Variants in AP2A2 observed in about 807,000 individuals in gnomAD.
The protein encoded by AP2A2 is AP-2 complex subunit alpha-2.
A neutral mutation model predicts 104.2 loss-of-function variants in AP2A2; 32 were observed. That is an observed-to-expected ratio of 0.31 (90% confidence interval 0.23 to 0.41). The LOEUF (loss-of-function observed/expected upper bound fraction) is 0.41, where lower values mean the gene tolerates loss of function less well. Ranked by LOEUF, AP2A2 falls within the 10% of genes least tolerant of loss-of-function variation. AP2A2 has a pLI of 1.00. For synonymous variants in AP2A2, 539 were observed against 533.3 expected (o/e 1.01, Z -0.15); for missense variants, 912 against 1,261.0 (o/e 0.72, Z 4.19).
At chr11:963,119 C>T (rs900382013) in intron 2 of AP2A2, among the ~76,000 whole-genome samples, 1 of 151,680 alleles carries the variant, frequency 6.6e-6, no homozygotes, top group Non-Finnish European at 1.5e-5. Flanking sequence ...TCTAAAATTT[C>T]GTTGTAATCA....
Position 977,172 on chromosome 11 carries a change from C to G in AP2A2, c.551C>G (p.Pro184Arg). The change falls in exon 5 of 22, where the codon CCC becomes CGC. Residue 184 changes from proline (P) to arginine (R), a missense_variant. By Grantham distance (103) the Pro-to-Arg change is moderately radical. Transcript: ENST00000448903. Reference protein sequence around the residue: ...RLYRTSPDLVPMGDWTSRVVH... With the variant: ...RLYRTSPDLVRMGDWTSRVVH... Reference sequence around the variant, plus strand: ...TACAGGACGTCCCCCGATCTTGTCCCCATGGGCGACTGGACATCCCGAGTG... The same window carrying G: ...TACAGGACGTCCCCCGATCTTGTCCGCATGGGCGACTGGACATCCCGAGTG... The G allele has an allele frequency of 1.9e-6, 3 of 1,612,716 alleles. No individual in the cohort carries two copies. The highest frequency in any genetic ancestry group is 2.5e-6 in the Non-Finnish European group (3 of 1,179,078).
intron 16 of AP2A2, among the ~76,000 whole-genome samples, chr11:1,006,304 G>A (rs544425109): frequency 2.0e-5 from 3 of 152,344 alleles, no homozygotes; most frequent in South Asian, 4.1e-4. Context: ...GCTGGAGGGC[G>A]GAAGTTACCT....
At chr11:933,794 A>C (rs1176251564) in intron 1 of AP2A2, among the ~76,000 whole-genome samples, 1 of 152,080 alleles carries the variant, frequency 6.6e-6, no homozygotes, top group Non-Finnish European at 1.5e-5. Flanking sequence ...TTCAGACATG[A>C]CTTTCTGCCA....
At chr11:946,364 C>G (rs1428623865) in intron 1 of AP2A2, 1 of 152,242 alleles carries the variant, frequency 6.6e-6, no homozygotes, top group Non-Finnish European at 1.5e-5. Context: ...ACTCTCGGAC[C>G]TGTCCCACTT....
chr11:978,708 G>A (rs1855136761), intron 5 of AP2A2, among the ~76,000 whole-genome samples: 1 of 152,184 alleles, frequency 6.6e-6, no homozygotes, highest in Non-Finnish European at 1.5e-5. Flanking sequence ...GACAGCGAAG[G>A]CCTGAGGCTT....
intron 1 of AP2A2, among the ~76,000 whole-genome samples, chr11:933,823 T>A (rs1853365978): frequency 6.6e-6 from 1 of 152,198 alleles, no homozygotes; most frequent in South Asian, 2.1e-4. Flanking sequence ...CGCTTTTTCC[T>A]GAAACATTGT....
chr11:994,348 A>G, intron 14 of AP2A2, 103 bp downstream of exon 14: 1 of 1,439,968 alleles, frequency 6.9e-7, no homozygotes, highest in South Asian at 1.3e-5. Flanking sequence ...TGTACTGAGA[A>G]CCCAGGCTCT....
intron 5 of AP2A2, among the ~76,000 whole-genome samples, chr11:977,853 G>T (rs1425258852): frequency 2.0e-5 from 3 of 152,102 alleles, no homozygotes; most frequent in African/African-American, 2.4e-5. Flanking sequence ...TTCCTGCTGC[G>T]TGGAGAGGCA....
At chr11:965,603 C>T (rs1854587697) in intron 2 of AP2A2, among the ~76,000 whole-genome samples, 1 of 152,138 alleles carries the variant, frequency 6.6e-6, no homozygotes, top group African/African-American at 2.4e-5. Context: ...TAAGGATGTG[C>T]TTTGGGTGGT....
At chr11:940,790 CT>C (rs1230989906) in intron 1 of AP2A2, 1 of 456,068 alleles carries the variant, frequency 2.2e-6, no homozygotes, top group African/African-American at 2.0e-5. Context: ...GCCTGCCAAC[CT>C]GAAGGGCTTT....
chr11:970,095 C>A, intron 2 of AP2A2, 74 bp from the exon 3 acceptor site: 1 of 1,535,524 alleles, frequency 6.5e-7, no homozygotes, highest in Non-Finnish European at 8.9e-7. Context: ...TGTACTGCTG[C>A]ACTGCCCTCT....
At chr11:973,783 CCAGGGTTGTT>C (rs1404745270) in intron 4 of AP2A2, among the ~76,000 whole-genome samples, 1 of 152,186 alleles carries the variant, frequency 6.6e-6, no homozygotes, top group Non-Finnish European at 1.5e-5. Context: ...CCTCCTGCCC[CCAGGGTTGTT>C]GCTTGCCTGT....
At chr11:962,191 G>A (rs888123179) in intron 2 of AP2A2, among the ~76,000 whole-genome samples, 2 of 152,248 alleles carry the variant, frequency 1.3e-5, no homozygotes, top group Non-Finnish European at 1.5e-5. Context: ...TACTCTTGGT[G>A]TCACTGGGCC....
intron 2 of AP2A2, among the ~76,000 whole-genome samples, chr11:960,938 C>T (rs943659860): frequency 5.3e-5 from 8 of 152,262 alleles, no homozygotes; most frequent in African/African-American, 1.7e-4. Flanking sequence ...GAATTACAGG[C>T]GTGAGCCTCT....
In AP2A2 at chr11:968,650, C is replaced by T. The variant is rs751807716; in HGVS notation, c.137-1519C>T. On this transcript the variant is annotated intron_variant, in intron 2 of 21. Coordinates refer to ENST00000448903, the MANE Select transcript of AP2A2 (RefSeq NM_012305.4). The surrounding 1 kb of genome is among the most constrained non-coding windows in gnomAD (Gnocchi z 4.2). ...TGGAATCTGGGCTGGGTAGGAGACA[C>T]GGTGCTGGGGCTTCCCAGTGGAGGA... Among the ~76,000 whole-genome samples, 19 of 152,240 alleles carry T rather than the reference C, an allele frequency of 1.2e-4. 1 individual carries two copies. The highest frequency in any genetic ancestry group is 8.3e-4 in the South Asian group (4 of 4,810).
intron 4 of AP2A2, among the ~76,000 whole-genome samples, chr11:975,835 G>A (rs1265430581): frequency 2.6e-5 from 4 of 152,140 alleles, no homozygotes; most frequent in East Asian, 1.9e-4. Context: ...TGGGGTCCTC[G>A]GTCTCCCTCG....
At position 993,818 on chromosome 11, in the gene AP2A2, C is replaced by G; in HGVS notation, c.1615C>G (p.Leu539Val). ...FHLCSVPTRA[L>V]LLSTYIKFVN... ...CCTGTGCAGCGTCCCCACCCGCGCG[C>G]TGCTCCTGTCCACCTACATCAAGTT... Residue 539 changes from leucine to valine, a missense_variant, in exon 13 of 22, where the codon CTG becomes GTG. Coordinates refer to ENST00000448903, the MANE Select transcript of AP2A2 (RefSeq NM_012305.4). The surrounding 1 kb of genome is among the most constrained non-coding windows in gnomAD (Gnocchi z 8.2). 6.2e-7 allele frequency: 1 copy of G among 1,608,444 alleles called. No homozygotes were observed. Among genetic ancestry groups the G allele is most frequent in the Non-Finnish European group, 8.5e-7 (1 of 1,179,600 alleles).
At chr11:959,342 C>G (rs780488437) in intron 1 of AP2A2, 95 bp from the exon 2 acceptor site, 72 of 846,154 alleles carry the variant, frequency 8.5e-5, no homozygotes, top group Non-Finnish European at 1.3e-4. Flanking sequence ...GGGGCCTCAT[C>G]CCATTCGTGA....
Position 1,011,798 on chromosome 11 carries a change from T to TG in AP2A2, c.*1174dup. Reference sequence around the variant, plus strand: ...CACCCTGGCCCTCAGTTGCCTGCTGTGCGGGTCCCTGGGGCAGCTGCAGGG... The same window carrying TG: ...CACCCTGGCCCTCAGTTGCCTGCTGTGGCGGGTCCCTGGGGCAGCTGCAGGG... On this transcript the variant is annotated 3_prime_UTR_variant, in exon 22 of 22. Transcript: ENST00000448903. 1 of 305,140 alleles carries TG rather than the reference T, an allele frequency of 3.3e-6. No individual in the cohort carries two copies. 18.9% of individuals were successfully genotyped at this position (305,140 alleles called of 1,614,324 possible).
Sources: gnomAD v4.1 joint callset for allele counts (sites outside exome capture counted in the v4.1 genomes callset) on GRCh38, gnomAD v4.1.1 for gene constraint, Gnocchi (gnomAD v3.1) non-coding constraint, MANE v1.5 for transcripts, NCBI Gene and HGNC (gene_info 2026-07-23, HGNC 2026-07-21) for gene names.